Variants in OSBPL6 observed in about 807,000 individuals in gnomAD.
The protein encoded by OSBPL6 is oxysterol-binding protein-related protein 6.
A neutral mutation model predicts 125.8 loss-of-function variants in OSBPL6; 49 were observed. That is an observed-to-expected ratio of 0.39 (90% CI 0.31 to 0.49). The LOEUF (loss-of-function observed/expected upper bound fraction) is 0.49. Among genes scored for constraint, OSBPL6 ranks in the 20% least tolerant of loss-of-function variants. OSBPL6 has a pLI of 0.88. For synonymous variants in OSBPL6, 394 were observed against 391.8 expected (o/e 1.01, Z -0.07); for missense variants, 986 against 1,135.4 (o/e 0.87, Z 1.89).
At chr2:178,198,001 G>T (rs766377111) in intron 1 of OSBPL6, among the ~76,000 whole-genome samples, 5 of 152,168 alleles carry the variant, frequency 3.3e-5, no homozygotes, top group Non-Finnish European at 5.9e-5. Flanking sequence ...GAAGAGGAAG[G>T]CTGTTGTGGA....
chr2:178,383,911 A>G (rs749845030), intron 17 of OSBPL6, 128 bp from the exon 18 acceptor site: 95 of 1,125,540 alleles, frequency 8.4e-5, no homozygotes, highest in Middle Eastern at 2.9e-4. Flanking sequence ...TACAGACAAT[A>G]GAAAATGCAA....
In OSBPL6 at chr2:178,213,482, C is replaced by T. The variant is rs138781560; in HGVS notation, c.-351+18808C>T. On this transcript the variant is annotated intron_variant, in intron 1 of 24. Transcript: ENST00000190611. ...ATGTCTTGTTGATTCTACCGCTAAC[C>T]ATGTGTCTCCATCCTCATCACCCTG... 5.5e-3 allele frequency among the ~76,000 whole-genome samples: 833 copies of T among 152,140 alleles called. 8 individuals carry two copies. Among genetic ancestry groups the T allele is most frequent in the African/African-American group, 0.019 (795 of 41,498 alleles).
intron 1 of OSBPL6, among the ~76,000 whole-genome samples, chr2:178,210,493 T>C (rs2089796788): frequency 6.6e-6 from 1 of 152,084 alleles, no homozygotes; most frequent in Non-Finnish European, 1.5e-5. Flanking sequence ...ACATTATGCC[T>C]TATATACAAT....
intron 1 of OSBPL6, among the ~76,000 whole-genome samples, chr2:178,278,468 G>A (rs2092515645): frequency 6.6e-6 from 1 of 152,146 alleles, no homozygotes; most frequent in Non-Finnish European, 1.5e-5. Context: ...TCAATACTTA[G>A]TGGTGGATAT....
chr2:178,239,685 G>A (rs1002702429), intron 1 of OSBPL6, among the ~76,000 whole-genome samples: 1 of 151,400 alleles, frequency 6.6e-6, no homozygotes, highest in Non-Finnish European at 1.5e-5. Flanking sequence ...GAGTGCAGTG[G>A]TGTGATCTCG....
In OSBPL6 at chr2:178,400,621, C is replaced by T. The variant is rs10201175; in HGVS notation, c.*5062C>T. On this transcript the variant is annotated 3_prime_UTR_variant, in exon 25 of 25. Coordinates refer to ENST00000190611, the MANE Select transcript of OSBPL6 (RefSeq NM_032523.4). ...TTTTAAAGCTTGATTAAGGTATAAC[C>T]GACATATAATACACTTCGCATATTT... 0.47 allele frequency: 70,691 copies of T among 151,870 alleles called. 17,292 individuals carry two copies. The highest frequency in any genetic ancestry group is 0.8 in the East Asian group (4,150 of 5,166). 9.4% of individuals were successfully genotyped at this position (151,870 alleles called of 1,614,324 possible).
intron 1 of OSBPL6, among the ~76,000 whole-genome samples, chr2:178,265,193 T>G (rs1193085025): frequency 7.2e-5 from 1 of 13,890 alleles, no homozygotes; most frequent in African/African-American, 4.5e-4. Flanking sequence ...AGACGAGACT[T>G]TTTTTTTTTT....
chr2:178,322,049 C>T (rs955979722), intron 3 of OSBPL6, among the ~76,000 whole-genome samples: 1 of 152,158 alleles, frequency 6.6e-6, no homozygotes, highest in Non-Finnish European at 1.5e-5. Context: ...TCTTAAGTAT[C>T]CCCTCGTATC....
At chr2:178,338,760 G>C (rs1339812231) in intron 9 of OSBPL6, among the ~76,000 whole-genome samples, 1 of 152,160 alleles carries the variant, frequency 6.6e-6, no homozygotes, top group African/African-American at 2.4e-5. Flanking sequence ...AGAGTTTCAT[G>C]GTTTCTGCAC....
At chr2:178,333,978 G>T (rs1381355669) in intron 8 of OSBPL6, among the ~76,000 whole-genome samples, 4 of 152,168 alleles carry the variant, frequency 2.6e-5, no homozygotes, top group African/African-American at 9.7e-5. Flanking sequence ...GCCCACATCT[G>T]TTCCCAAAGT....
chr2:178,302,985 T>C (rs951515826), intron 2 of OSBPL6, among the ~76,000 whole-genome samples: 7 of 152,188 alleles, frequency 4.6e-5, no homozygotes, highest in Non-Finnish European at 1.0e-4. Context: ...TATCTACTTG[T>C]AAAACATCTG....
At chr2:178,351,736 G>C (rs1313989677) in intron 12 of OSBPL6, among the ~76,000 whole-genome samples, 2 of 152,160 alleles carry the variant, frequency 1.3e-5, no homozygotes, top group Non-Finnish European at 2.9e-5. Context: ...AACTGACGCA[G>C]GAACAGAAAA....
chr2:178,377,544 A>G (rs1019413178), intron 15 of OSBPL6, among the ~76,000 whole-genome samples: 18 of 152,164 alleles, frequency 1.2e-4, no homozygotes, highest in African/African-American at 4.1e-4. Context: ...CTTCACACTC[A>G]TAGTCTTAGC....
In OSBPL6 at chr2:178,235,398, C is replaced by CTTTTTT. The variant is rs540269327; in HGVS notation, c.-351+40745_-351+40750dup. On this transcript the variant is annotated intron_variant, in intron 1 of 24. Coordinates refer to ENST00000190611, the MANE Select transcript of OSBPL6 (RefSeq NM_032523.4). ...CTTTCTTTCCTTTTTCTTTTCTTTT[C>CTTTTTT]TTTTTTTTTTTTTTTTTTTTTTTTT... Among the ~76,000 whole-genome samples the CTTTTTT allele has an allele frequency of 3.7e-3, 289 of 78,040 alleles. 10 individuals carry two copies. The highest frequency in any genetic ancestry group is 7.7e-3 in the Admixed American group (40 of 5,202). 51.2% of individuals were successfully genotyped at this position (78,040 alleles called of 152,430 possible).
chr2:178,352,727 GA>G (rs1204522575), intron 12 of OSBPL6, among the ~76,000 whole-genome samples: 2 of 152,216 alleles, frequency 1.3e-5, no homozygotes, highest in Non-Finnish European at 2.9e-5. Flanking sequence ...TAGCTCTGAA[GA>G]GAGCAGTGGT....
chr2:178,338,195 C>T (rs1399030538), intron 9 of OSBPL6, among the ~76,000 whole-genome samples: 2 of 152,074 alleles, frequency 1.3e-5, no homozygotes, highest in South Asian at 2.1e-4. Flanking sequence ...TGCCTCCCGA[C>T]GTGCTGGGAT....
intron 20 of OSBPL6, 151 bp downstream of exon 20, chr2:178,387,290 A>G: frequency 1.7e-6 from 1 of 588,984 alleles, no homozygotes; most frequent in East Asian, 3.1e-5. Context: ...GACTCCCACA[A>G]AAACAAATGA....
intron 14 of OSBPL6, among the ~76,000 whole-genome samples, chr2:178,372,770 G>GT (rs2154106065): frequency 6.6e-6 from 1 of 152,274 alleles, no homozygotes; most frequent in South Asian, 2.1e-4. Context: ...TAGGTATTGT[G>GT]TTAATGACTT....
intron 4 of OSBPL6, among the ~76,000 whole-genome samples, chr2:178,327,892 A>C (rs531572141): frequency 3.9e-5 from 6 of 152,288 alleles, no homozygotes; most frequent in African/African-American, 1.4e-4. Flanking sequence ...ATTTGTCATC[A>C]AAGTAGTCTT....
Sources: allele counts gnomAD v4.1 joint callset (sites outside exome capture counted in the v4.1 genomes callset), GRCh38; gene constraint gnomAD v4.1.1; transcripts MANE v1.5; gene names NCBI Gene and HGNC (gene_info 2026-07-23, HGNC 2026-07-21).